CTNNA3: variants seen among roughly 807,000 people sequenced by gnomAD.
CTNNA3 encodes catenin alpha-3.
CTNNA3 carries 76 observed loss-of-function variants against 95.7 expected under a neutral mutation model. The ratio of observed to expected loss-of-function variants is 0.79; its 90% CI spans 0.66 to 0.96. The LOEUF (loss-of-function observed/expected upper bound fraction) is 0.96. Ranked by LOEUF, CTNNA3 falls within the 40% of genes least tolerant of loss-of-function variation. The pLI is 0.00. For synonymous variants in CTNNA3, 431 were observed against 374.4 expected, an observed-to-expected ratio of 1.15 and a Z score of -1.74; for missense variants, 1,191 against 1,089.8, an observed-to-expected ratio of 1.09 and a Z score of -1.31.
intron 9 of CTNNA3, among the ~76,000 whole-genome samples, chr10:66,662,176 G>T (rs763001431): frequency 2.0e-5 from 3 of 152,102 alleles, no homozygotes; most frequent in Admixed American, 6.5e-5. Flanking sequence ...TCTAATTCAT[G>T]GGGAAAATAC....
chr10:65,969,935 C>A (rs574266737), intron 16 of CTNNA3, among the ~76,000 whole-genome samples: 1 of 152,002 alleles, frequency 6.6e-6, no homozygotes, highest in South Asian at 2.1e-4. Flanking sequence ...TTGAGAGATA[C>A]TATACAAAAA....
intron 3 of CTNNA3, among the ~76,000 whole-genome samples, chr10:67,580,101 T>C (rs1842329106): frequency 6.6e-6 from 1 of 152,208 alleles, no homozygotes; most frequent in Non-Finnish European, 1.5e-5. Flanking sequence ...GCCATTGCTT[T>C]TGGTTTTTAA....
chr10:66,301,108 T>C (rs2091856492), intron 12 of CTNNA3, among the ~76,000 whole-genome samples: 1 of 152,036 alleles, frequency 6.6e-6, no homozygotes, highest in South Asian at 2.1e-4. Flanking sequence ...AGATACAATA[T>C]ACTGAAACTC....
chr10:66,521,203 T>A (rs1470126493), intron 10 of CTNNA3, among the ~76,000 whole-genome samples: 1 of 151,652 alleles, frequency 6.6e-6, no homozygotes, highest in Non-Finnish European at 1.5e-5. Flanking sequence ...TAGGTATAAA[T>A]AATAATTTTT....
intron 5 of CTNNA3, among the ~76,000 whole-genome samples, chr10:67,226,269 G>A (rs765372901): frequency 1.6e-4 from 24 of 152,158 alleles, no homozygotes; most frequent in African/African-American, 4.8e-5. Flanking sequence ...CTGGAGGAAG[G>A]GGAGAATCCT....
intron 5 of CTNNA3, among the ~76,000 whole-genome samples, chr10:67,437,990 T>C (rs1846363004): frequency 6.6e-6 from 1 of 151,966 alleles, no homozygotes; most frequent in African/African-American, 2.4e-5. Context: ...AGCTTATAAT[T>C]ACTTTTTCTG....
Position 67,595,818 on chromosome 10 carries a change from G to A in CTNNA3, c.292+11039C>T, listed in dbSNP as rs146308067. On this transcript the variant is annotated intron_variant, in intron 3 of 17. Transcript: ENST00000433211. ...ATCAATCTGGATGCTCTAGTGTTGAGTACATACATTTTTAGAATAGTTAAG... is the reference window on the plus strand; with the variant it reads ...ATCAATCTGGATGCTCTAGTGTTGAATACATACATTTTTAGAATAGTTAAG... 3.5e-3 allele frequency among the ~76,000 whole-genome samples: 531 copies of A among 152,248 alleles called. 5 individuals carry two copies. The highest frequency in any genetic ancestry group is 0.012 in the African/African-American group (497 of 41,538).
intron 7 of CTNNA3, among the ~76,000 whole-genome samples, chr10:66,800,734 G>A (rs1841397505): frequency 6.6e-6 from 1 of 151,110 alleles, no homozygotes; most frequent in African/African-American, 2.4e-5. Context: ...AGATTTTGAA[G>A]TTACCCCCAT....
At chr10:66,804,421 C>T (rs1029019838) in intron 7 of CTNNA3, among the ~76,000 whole-genome samples, 2 of 151,990 alleles carry the variant, frequency 1.3e-5, no homozygotes, top group Non-Finnish European at 2.9e-5. Flanking sequence ...TCTGGAAAAA[C>T]TCTCTGTTCT....
chr10:67,298,964 A>G (rs1039118110), intron 5 of CTNNA3, among the ~76,000 whole-genome samples: 9 of 151,818 alleles, frequency 5.9e-5, no homozygotes, highest in African/African-American at 2.2e-4. Context: ...CTCTGTTGCC[A>G]GGCTGGAGTG....
chr10:66,431,647 C>CA (rs2093296764), intron 11 of CTNNA3, among the ~76,000 whole-genome samples: 1 of 149,342 alleles, frequency 6.7e-6, no homozygotes, highest in Admixed American at 6.8e-5. Flanking sequence ...GTCGCAAGGA[C>CA]AAAAAAACCA....
At chr10:66,321,430 C>A (rs1222831572) in intron 12 of CTNNA3, among the ~76,000 whole-genome samples, 1 of 151,968 alleles carries the variant, frequency 6.6e-6, no homozygotes, top group Non-Finnish European at 1.5e-5. Flanking sequence ...TAAGAAGTAA[C>A]TTAACTGTGC....
chr10:66,128,001 G>A (rs1428562848), intron 13 of CTNNA3, among the ~76,000 whole-genome samples: 8 of 152,198 alleles, frequency 5.3e-5, no homozygotes, highest in African/African-American at 1.9e-4. Flanking sequence ...GAAACTGGGA[G>A]GCAGAGGTTG....
chr10:67,239,869 A>G (rs1865651293), intron 5 of CTNNA3, among the ~76,000 whole-genome samples: 2 of 152,158 alleles, frequency 1.3e-5, no homozygotes, highest in South Asian at 4.1e-4. Flanking sequence ...TTTTTAAAAA[A>G]GAAAAAAAAG....
At position 67,006,064 on chromosome 10, in the gene CTNNA3, C is replaced by T. The variant is rs111607502; in HGVS notation, c.1047+174253G>A. On this transcript the variant is annotated intron_variant, in intron 7 of 17. Transcript: ENST00000433211. ...ATTATTCCATTATTACAGTAATTAT[C>T]TACCACCTGTTGAACAGTACAGTGC... Among the ~76,000 whole-genome samples, 858 of 152,138 alleles carry T rather than the reference C, an allele frequency of 5.6e-3. 4 individuals carry two copies. The highest frequency in any genetic ancestry group is 0.02 in the African/African-American group (830 of 41,522).
chr10:67,072,142 T>C (rs796724653), intron 7 of CTNNA3, among the ~76,000 whole-genome samples: 1 of 152,064 alleles, frequency 6.6e-6, no homozygotes, highest in Middle Eastern at 3.2e-3. Context: ...TTAGTAGAGA[T>C]GGCTTTTTGC....
intron 3 of CTNNA3, among the ~76,000 whole-genome samples, chr10:67,588,919 T>G (rs954834858): frequency 3.3e-5 from 5 of 152,090 alleles, no homozygotes; most frequent in African/African-American, 9.7e-5. Context: ...CAAATCTCTT[T>G]ACTTTTTTTC....
intron 7 of CTNNA3, among the ~76,000 whole-genome samples, chr10:66,876,693 C>CTCTTT (rs778066786): frequency 0.43 from 64,978 of 151,468 alleles, 14,221 homozygotes; most frequent in Non-Finnish European, 0.46. Flanking sequence ...CAATGTTTAA[C>CTCTTT]CTTAGCAGGA....
chr10:67,283,570 T>G lies in CTNNA3; in HGVS notation c.580-63700A>C, dbSNP rs138243535. ...CAAGGAAGAATCAGGATATAAGAGA[T>G]GCAGAGATGCAGACCCCAGAAGCAT... On this transcript the variant is annotated intron_variant, in intron 5 of 17. Coordinates refer to ENST00000433211, the MANE Select transcript of CTNNA3 (RefSeq NM_013266.4). Among the ~76,000 whole-genome samples, 592 of 152,288 alleles carry G rather than the reference T, an allele frequency of 3.9e-3. 5 individuals are homozygous for G. The highest frequency in any genetic ancestry group is 0.014 in the African/African-American group (569 of 41,546).
Sources: allele counts gnomAD v4.1 joint callset (sites outside exome capture counted in the v4.1 genomes callset), GRCh38; gene constraint gnomAD v4.1.1; transcripts MANE v1.5; gene names NCBI Gene and HGNC (gene_info 2026-07-23, HGNC 2026-07-21).